FGF13: variants seen among roughly 807,000 people sequenced by gnomAD.
The protein encoded by FGF13 is fibroblast growth factor homologous factor 2.
In FGF13, 2 loss-of-function variants were observed where a neutral mutation model predicts 19.5. The observed-to-expected ratio is 0.10, with a 90% confidence interval of 0.04 to 0.32. The LOEUF (loss-of-function observed/expected upper bound fraction) is 0.32. Ranked by LOEUF, FGF13 falls within the 10% of genes least tolerant of loss-of-function variation. The pLI is 1.00. For missense variants in FGF13, 113 were observed against 192.7 expected (o/e 0.59, Z 2.45); for synonymous variants, 72 against 76.9 (o/e 0.94, Z 0.33).
intron 3 of FGF13, among the ~76,000 whole-genome samples, chrX:138,844,703 G>C (rs1277340211): frequency 9.0e-6 from 1 of 110,866 alleles, no homozygotes; most frequent in Non-Finnish European, 1.9e-5. Flanking sequence ...TTCTTCTGGA[G>C]TCCTTTCTTC....
At chrX:138,640,473 G>A (rs1174981333) in intron 3 of FGF13, among the ~76,000 whole-genome samples, 1 of 112,120 alleles carries the variant, frequency 8.9e-6, no homozygotes, top group Non-Finnish European at 1.9e-5. Flanking sequence ...GGCCTGGCTT[G>A]CCCCTGGCAC....
At chrX:138,780,714 T>A (rs1315110163) in intron 3 of FGF13, among the ~76,000 whole-genome samples, 1 of 108,367 alleles carries the variant, frequency 9.2e-6, no homozygotes, top group African/African-American at 3.4e-5. Flanking sequence ...ACATTAGTAA[T>A]GGGAGACTTT....
chrX:138,615,757 T>C lies in FGF13; in HGVS notation c.*17093A>G, dbSNP rs1456801243. ...GAAATACCCAAGACTAGGTAATTTA[T>C]AAAGGAAAGAGTTTTAACTGACTCA... On this transcript the variant is annotated 3_prime_UTR_variant, in exon 5 of 5. Transcript: ENST00000315930. 1 of 111,717 alleles carries C rather than the reference T, an allele frequency of 9.0e-6. No individual in the cohort carries two copies. Among genetic ancestry groups the C allele is most frequent in the Non-Finnish European group, 1.9e-5 (1 of 53,182 alleles). 9.2% of individuals were successfully genotyped at this position (111,717 alleles called of 1,213,427 possible).
At position 138,930,894 on chromosome X, in the gene FGF13, T is replaced by C. The variant is rs530765221; in HGVS notation, c.-112-66244A>G. ...AAGCACTTGATGTATCCCTAGCAAC[T>C]TGGGTCACTGAGGTACACACGTATC... On this transcript the variant is annotated intron_variant, in intron 1 of 2. Coordinates refer to the FGF13 transcript ENST00000421460. Among the ~76,000 whole-genome samples, 25 of 112,420 alleles carry C rather than the reference T, an allele frequency of 2.2e-4. No individual in the cohort carries two copies. The South Asian group carries it at 8.8e-3, about 40-fold the overall frequency.
chrX:138,922,932 T>C (rs750487056), intron 1 of FGF13, among the ~76,000 whole-genome samples: 11 of 112,036 alleles, frequency 9.8e-5, no homozygotes, highest in African/African-American at 3.6e-4. Context: ...ATATATTTGT[T>C]GAAATGAGAT....
chrX:138,781,753 T>C lies in FGF13; in HGVS notation c.218-72825A>G, dbSNP rs1235207099. Among the ~76,000 whole-genome samples the C allele has an allele frequency of 2.7e-5, 3 of 111,900 alleles. No individual in the cohort carries two copies. In the Admixed American group the frequency reaches 2.8e-4, roughly 11 times the overall value. On this transcript the variant is annotated intron_variant, in intron 3 of 6. Coordinates refer to the FGF13 transcript ENST00000436198. ...TACAAGGAGGAAGTGGTACCATTCCTTCTGAAACTATTCCAATCAATAGAA... is the reference window on the plus strand; with the variant it reads ...TACAAGGAGGAAGTGGTACCATTCCCTCTGAAACTATTCCAATCAATAGAA...
At chrX:139,187,190 T>A (rs767217453) in intron 1 of FGF13, among the ~76,000 whole-genome samples, 2 of 112,832 alleles carry the variant, frequency 1.8e-5, no homozygotes, top group Non-Finnish European at 3.7e-5. Context: ...CTGGGAAGTA[T>A]CTGTGGCAGT....
At position 139,049,594 on chromosome X, in the gene FGF13, T is replaced by A. The variant is rs1054760808; in HGVS notation, c.-113+153822A>T. On this transcript the variant is annotated intron_variant, in intron 1 of 2. Transcript: ENST00000421460. The stretch of plus-strand genomic sequence containing the variant: ...TGGGTTAGGTACCTCTGCTTTTCAG[T>A]TCTTTGCTTTTTCAAGCTGGGAACT... 8.9e-5 allele frequency among the ~76,000 whole-genome samples: 10 copies of A among 112,180 alleles called. No homozygotes were observed. In the Admixed American group the frequency reaches 9.4e-4, roughly 11 times the overall value.
rs146858583 is a variant in FGF13, at chrX:139,060,394, A to C, written c.-113+143022T>G. Among the ~76,000 whole-genome samples, 442 of 111,436 alleles carry C rather than the reference A, an allele frequency of 4.0e-3. 1 individual carries two copies. Among genetic ancestry groups the C allele is most frequent in the Middle Eastern group, 0.014 (3 of 217 alleles). ...TCTCTTGCAAATAAATTCTAATTCTAGTATATTTCTATAAATTAAATAACT... is the reference window on the plus strand; with the variant it reads ...TCTCTTGCAAATAAATTCTAATTCTCGTATATTTCTATAAATTAAATAACT... On this transcript the variant is annotated intron_variant, in intron 1 of 2. Coordinates refer to the FGF13 transcript ENST00000421460.
At chrX:139,141,455 T>C (rs1260139380) in intron 1 of FGF13, among the ~76,000 whole-genome samples, 2 of 112,040 alleles carry the variant, frequency 1.8e-5, no homozygotes, top group Non-Finnish European at 3.8e-5. Flanking sequence ...GACTTCCCAC[T>C]GCTGTTAGAA....
In FGF13 at chrX:138,892,002, A is replaced by ATATATGTATGTGTGTGTGTGTGTGTG. The variant is rs756839627; in HGVS notation, c.-112-27353_-112-27352insCACACACACACACACACATACATATA. ...TCTGTCTCTCTCTCTATATATACAT[A>ATATATGTATGTGTGTGTGTGTGTGTG]TGTGTGTGTGTGTGTGTGTGTGTGT... On this transcript the variant is annotated intron_variant, in intron 1 of 2. Coordinates refer to the FGF13 transcript ENST00000421460. Among the ~76,000 whole-genome samples, 456 of 90,347 alleles carry ATATATGTATGTGTGTGTGTGTGTGTG rather than the reference A, an allele frequency of 5.0e-3. 6 individuals carry two copies. Among genetic ancestry groups the ATATATGTATGTGTGTGTGTGTGTGTG allele is most frequent in the African/African-American group, 0.018 (427 of 23,598 alleles). The allele number at this position is 90,347 out of a possible 115,157, so 78.5% of individuals were successfully genotyped here.
At chrX:138,915,933 C>T (rs2091615840) in intron 1 of FGF13, among the ~76,000 whole-genome samples, 1 of 111,883 alleles carries the variant, frequency 8.9e-6, no homozygotes, top group Non-Finnish European at 1.9e-5. Context: ...CTAGTACCTT[C>T]ACTGATCACA....
In FGF13 at chrX:138,882,370, T is replaced by A. The variant is rs187868305; in HGVS notation, c.-112-17720A>T. On this transcript the variant is annotated intron_variant, in intron 1 of 2. Transcript: ENST00000421460. ...TATTCTGCTGTTGTTGGATGGAGTG[T>A]TCTATATATGCCTGTTAGGTCTAGT... is the stretch of plus-strand genomic sequence containing the variant. Among the ~76,000 whole-genome samples, 11 of 111,938 alleles carry A rather than the reference T, an allele frequency of 9.8e-5. No individual in the cohort carries two copies. The East Asian group carries it at 2.8e-3, about 29-fold the overall frequency.
intron 3 of FGF13, among the ~76,000 whole-genome samples, chrX:138,821,530 A>G (rs2090999664): frequency 8.9e-6 from 1 of 111,911 alleles, no homozygotes; most frequent in South Asian, 3.7e-4. Context: ...CAAAATCTAT[A>G]CAAGATTTTG....
At chrX:138,764,929 G>A (rs986174268) in intron 3 of FGF13, among the ~76,000 whole-genome samples, 1 of 111,853 alleles carries the variant, frequency 8.9e-6, no homozygotes, top group East Asian at 2.8e-4. Flanking sequence ...CAGAGAAATG[G>A]CTGTTATTTC....
chrX:138,763,665 A>G (rs1369859708), intron 3 of FGF13, among the ~76,000 whole-genome samples: 2 of 111,919 alleles, frequency 1.8e-5, no homozygotes, highest in Admixed American at 9.5e-5. Flanking sequence ...AGTGGATACT[A>G]AAGAGTTGGC....
At chrX:138,988,728 C>T (rs1466976295) in intron 1 of FGF13, among the ~76,000 whole-genome samples, 1 of 111,828 alleles carries the variant, frequency 8.9e-6, no homozygotes, top group African/African-American at 3.3e-5. Context: ...TACCTAGCTG[C>T]CTCATTTTAA....
intron 1 of FGF13, among the ~76,000 whole-genome samples, chrX:139,015,281 T>G (rs2092148487): frequency 9.0e-6 from 1 of 111,194 alleles, no homozygotes; most frequent in Non-Finnish European, 1.9e-5. Context: ...AAATTATCCT[T>G]GTTTTCAGAT....
At chrX:138,944,876 T>C (rs948512908) in intron 1 of FGF13, among the ~76,000 whole-genome samples, 6 of 111,637 alleles carry the variant, frequency 5.4e-5, no homozygotes, top group Admixed American at 9.5e-5. Flanking sequence ...AGAAAAAAGA[T>C]GATATAAAAT....
Sources: allele counts gnomAD v4.1 joint callset (sites outside exome capture counted in the v4.1 genomes callset), GRCh38; gene constraint gnomAD v4.1.1; transcripts MANE v1.5; gene names NCBI Gene and HGNC (gene_info 2026-07-23, HGNC 2026-07-21).